PHTF1: variants seen among roughly 807,000 people sequenced by gnomAD.
The protein encoded by PHTF1 is protein PHTF1.
In PHTF1, 88 loss-of-function variants were observed where a neutral mutation model predicts 102.4. That is an observed-to-expected ratio of 0.86 (90% CI 0.72 to 1.03). The LOEUF (loss-of-function observed/expected upper bound fraction) is 1.03, where lower values mean the gene tolerates loss of function less well. Among genes scored for constraint, PHTF1 ranks in the 50% least tolerant of loss-of-function variants. The pLI, the probability that PHTF1 is intolerant of heterozygous loss-of-function variation, is 0.00. For synonymous variants in PHTF1, 289 were observed against 305.2 expected (o/e 0.95, Z 0.55); for missense variants, 814 against 909.5 (o/e 0.89, Z 1.35).
intron 3 of PHTF1, among the ~76,000 whole-genome samples, chr1:113,752,364 C>T (rs1221107687): frequency 1.4e-5 from 2 of 147,396 alleles, no homozygotes; most frequent in African/African-American, 5.0e-5. Flanking sequence ...GAAGACCTTG[C>T]CACATTCATT....
chr1:113,745,179 TA>T lies in PHTF1; in HGVS notation c.103-6381del, dbSNP rs1265090713. On this transcript the variant is annotated intron_variant, in intron 3 of 18. Transcript: ENST00000369604. ...GAGGTCAAGACATGGGTGAGAGAGG[TA>T]AACTTGTGAGATGAGAAGAAGCCAT... Among the ~76,000 whole-genome samples the T allele has an allele frequency of 2.0e-5, 3 of 151,440 alleles. No individual in the cohort carries two copies. The East Asian group carries it at 5.8e-4, about 29-fold the overall frequency.
chr1:113,729,082 C>A (rs935146496), intron 5 of PHTF1, among the ~76,000 whole-genome samples: 2 of 152,104 alleles, frequency 1.3e-5, no homozygotes, highest in Non-Finnish European at 2.9e-5. Context: ...GGAGTACTAT[C>A]CAGCCATAAA....
chr1:113,730,127 G>T (rs190638282), intron 5 of PHTF1, among the ~76,000 whole-genome samples: 1 of 152,136 alleles, frequency 6.6e-6, no homozygotes, highest in African/African-American at 2.4e-5. Flanking sequence ...GGTCAGAAGT[G>T]AGAGTGATCC....
At chr1:113,738,399 C>A (rs75837212) in intron 4 of PHTF1, 131 bp from the exon 5 acceptor site, 3 of 633,320 alleles carry the variant, frequency 4.7e-6, no homozygotes, top group Non-Finnish European at 5.3e-6. Context: ...AAAAAAAACC[C>A]TCTTAGATGT....
intron 15 of PHTF1, 106 bp from the exon 16 acceptor site, chr1:113,701,055 T>A: frequency 1.2e-6 from 1 of 808,698 alleles, no homozygotes; most frequent in Non-Finnish European, 2.0e-6. Flanking sequence ...TCCAATATTT[T>A]AATACTGAAA....
At chr1:113,744,360 T>C (rs951547459) in intron 3 of PHTF1, among the ~76,000 whole-genome samples, 1 of 152,166 alleles carries the variant, frequency 6.6e-6, no homozygotes, top group Non-Finnish European at 1.5e-5. Context: ...AAAAAACAAG[T>C]GAAACCCTGT....
At chr1:113,712,515 A>C (rs1321026575) in intron 8 of PHTF1, among the ~76,000 whole-genome samples, 1 of 152,244 alleles carries the variant, frequency 6.6e-6, no homozygotes, top group Non-Finnish European at 1.5e-5. Context: ...GTATACGTAA[A>C]GTACTCAGAA....
At chr1:113,715,584 T>G in intron 7 of PHTF1, among the ~76,000 whole-genome samples, 1 of 127,452 alleles carries the variant, frequency 7.8e-6, no homozygotes, top group African/African-American at 3.1e-5. Context: ...GGAGGTGGAG[T>G]TTGCAGTGAG....
chr1:113,750,109 A>G (rs1443877498), intron 3 of PHTF1, among the ~76,000 whole-genome samples: 1 of 151,886 alleles, frequency 6.6e-6, no homozygotes, highest in Non-Finnish European at 1.5e-5. Flanking sequence ...ATCCCCCCCA[A>G]CCAGCTTCCC....
intron 3 of PHTF1, among the ~76,000 whole-genome samples, chr1:113,744,546 C>A (rs1469008590): frequency 2.0e-5 from 3 of 152,120 alleles, no homozygotes; most frequent in Non-Finnish European, 4.4e-5. Flanking sequence ...ATAAAGGACA[C>A]CTTATTCACA....
intron 1 of PHTF1, 96 bp from the exon 2 acceptor site, chr1:113,758,829 A>C (rs1343142194): frequency 2.8e-6 from 4 of 1,414,988 alleles, no homozygotes; most frequent in Non-Finnish European, 3.7e-6. Context: ...CAGCCTCTCC[A>C]TGAGCTGCTC....
intron 4 of PHTF1, 83 bp from the exon 5 acceptor site, chr1:113,738,351 G>A: frequency 1.9e-6 from 2 of 1,026,932 alleles, no homozygotes; most frequent in Non-Finnish European, 2.9e-6. Flanking sequence ...TTAAAAATAG[G>A]TGAGTGCAAA....
At chr1:113,738,020 G>T in intron 5 of PHTF1, 90 bp downstream of exon 5, 1 of 879,018 alleles carries the variant, frequency 1.1e-6, no homozygotes, top group Non-Finnish European at 1.8e-6. Context: ...TCAAATGAAA[G>T]GGTAAATGTA....
At chr1:113,747,812 TGAGCTA>T (rs1191631151) in intron 3 of PHTF1, among the ~76,000 whole-genome samples, 2 of 152,188 alleles carry the variant, frequency 1.3e-5, no homozygotes, top group Admixed American at 6.5e-5. Context: ...AGCTTCCAAA[TGAGCTA>T]GAAGTTGCTG....
chr1:113,746,300 C>T (rs143602386), intron 3 of PHTF1, among the ~76,000 whole-genome samples: 46 of 152,246 alleles, frequency 3.0e-4, no homozygotes, highest in African/African-American at 1.1e-3. Context: ...TAAACCCTGA[C>T]TTCAGTACTT....
At chr1:113,740,018 T>C (rs1656114201) in intron 3 of PHTF1, among the ~76,000 whole-genome samples, 1 of 152,234 alleles carries the variant, frequency 6.6e-6, no homozygotes, top group South Asian at 2.1e-4. Context: ...GTCATGACTA[T>C]TGTGAACAGT....
At chr1:113,758,884 A>C in intron 1 of PHTF1, 139 bp downstream of exon 1, 1 of 1,320,538 alleles carries the variant, frequency 7.6e-7, no homozygotes. Context: ...ACAAACAAAA[A>C]AAAACTGGCG....
chr1:113,742,551 G>C (rs551758083), intron 3 of PHTF1, among the ~76,000 whole-genome samples: 9 of 152,106 alleles, frequency 5.9e-5, no homozygotes, highest in Non-Finnish European at 1.0e-4. Flanking sequence ...AGCCCGGGAG[G>C]CTGAGGTTGC....
At chr1:113,697,775 G>A in intron 18 of PHTF1, 50 bp from the exon 19 acceptor site, 1 of 1,304,978 alleles carries the variant, frequency 7.7e-7, no homozygotes, top group South Asian at 1.2e-5. Context: ...AAACCAGGTG[G>A]GATTTATAGG....
Sources: gnomAD v4.1 joint callset for allele counts (sites outside exome capture counted in the v4.1 genomes callset) on GRCh38, gnomAD v4.1.1 for gene constraint, MANE v1.5 for transcripts, NCBI Gene and HGNC (gene_info 2026-07-23, HGNC 2026-07-21) for gene names.